The following HPN variants were observed in gnomAD, a reference collection of about 807,000 sequenced individuals.
HPN encodes hepsin, also known as serine protease hepsin.
A neutral mutation model predicts 55.9 loss-of-function variants in HPN; 13 were observed. That is an observed-to-expected ratio of 0.23 (90% CI 0.15 to 0.37). The LOEUF (loss-of-function observed/expected upper bound fraction) is 0.37, where lower values mean the gene tolerates loss of function less well. Among genes scored for constraint, HPN ranks in the 10% least tolerant of loss-of-function variants. HPN has a pLI of 1.00. For missense variants in HPN, 451 were observed against 575.8 expected (o/e 0.78, Z 2.22); for synonymous variants, 225 against 240.3 (o/e 0.94, Z 0.59).
At chr19:35,050,471 A>T in intron 4 of HPN, 1 of 1,284,654 alleles carries the variant, frequency 7.8e-7, no homozygotes, top group Non-Finnish European at 1.0e-6. Context: ...ACCAGAGAGG[A>T]CATGCAGCTG....
At chr19:35,065,840 T>C (rs1688030) in intron 11 of HPN, 28 bp from the exon 12 acceptor site, 1,474,657 of 1,612,326 alleles carry the variant, frequency 0.91, 677,427 homozygotes, top group Admixed American at 0.95. Flanking sequence ...ACTTTGGCCT[T>C]CAGCCAGACC....
intron 9 of HPN, 111 bp from the exon 10 acceptor site, chr19:35,065,139 T>A (rs1037085506): frequency 2.9e-6 from 2 of 685,976 alleles, no homozygotes; most frequent in South Asian, 2.0e-5. Context: ...GTTTTTTTTT[T>A]AAAGAACAGA....
At chr19:35,060,952 A>G in intron 9 of HPN, 135 bp downstream of exon 9, 1 of 766,608 alleles carries the variant, frequency 1.3e-6, no homozygotes, top group Non-Finnish European at 2.0e-6. Flanking sequence ...GAGGGAGCAC[A>G]AAGTGGGCCT....
intron 4 of HPN, 115 bp from the exon 5 acceptor site, chr19:35,059,558 G>C (rs1469944310): frequency 7.5e-7 from 1 of 1,329,926 alleles, no homozygotes; most frequent in Admixed American, 2.0e-5. Flanking sequence ...GATGGGCTGG[G>C]GTTCACGTCT....
intron 4 of HPN, among the ~76,000 whole-genome samples, chr19:35,051,011 G>A (rs1780052519): frequency 6.7e-6 from 1 of 148,776 alleles, no homozygotes; most frequent in Non-Finnish European, 1.5e-5. Context: ...ACATCTCCTG[G>A]GCTCAAGCAA....
chr19:35,065,990 C>T lies in HPN; in HGVS notation c.1173C>T (p.Thr391=), dbSNP rs915741304. The T allele has an allele frequency of 4.3e-6, 7 of 1,612,874 alleles. No individual in the cohort carries two copies. In the African/African-American group the frequency reaches 9.3e-5, roughly 22 times the overall value. ...CALAQKPGVY[T]KVSDFREWIF... ...TGGCCCAGAAGCCAGGCGTCTACAC[C>T]AAAGTCAGTGACTTCCGGGAGTGGA... Residue 391 remains threonine (T), a synonymous_variant, in exon 12 of 13, where the codon ACC becomes ACT. Transcript: ENST00000672452.
At chr19:35,046,859 C>T (rs576214362) in intron 2 of HPN, among the ~76,000 whole-genome samples, 9 of 152,204 alleles carry the variant, frequency 5.9e-5, no homozygotes, top group East Asian at 1.9e-4. Context: ...GACAGAGTCT[C>T]GCTCTGTCGC....
intron 2 of HPN, among the ~76,000 whole-genome samples, 196 bp downstream of exon 2, chr19:35,042,718 C>T (rs758463362): frequency 2.6e-4 from 40 of 152,124 alleles, no homozygotes; most frequent in African/African-American, 9.7e-4. Flanking sequence ...CCACCAGCCT[C>T]CCTTCTACCC....
intron 4 of HPN, among the ~76,000 whole-genome samples, chr19:35,057,148 A>C (rs1156465819): frequency 6.6e-6 from 1 of 152,194 alleles, no homozygotes; most frequent in Non-Finnish European, 1.5e-5. Context: ...GATGGGGGCC[A>C]GGTGCAGTAG....
In HPN at chr19:35,059,801, A is replaced by G; in HGVS notation, c.289A>G (p.Arg97Gly). 1 of 1,569,162 alleles carries G rather than the reference A, an allele frequency of 6.4e-7. No homozygotes were observed. Among genetic ancestry groups the G allele is most frequent in the Non-Finnish European group, 8.6e-7 (1 of 1,156,164 alleles). ...GLSCEEMGFL[R>G]ALTHSELDVR... ...CAGCTGCGAGGAGATGGGCTTCCTC[A>G]GGTACTGGGGGCCCTCGGAGGGGTG... The change falls in exon 5 of 13, where the codon AGG becomes GGG. Residue 97 changes from arginine to glycine, a missense_variant and splice_region_variant. Arg to Gly is a moderately radical substitution (Grantham distance 125). Coordinates refer to ENST00000672452, the MANE Select transcript of HPN (RefSeq NM_001384133.1).
intron 11 of HPN, 74 bp downstream of exon 11, chr19:35,065,755 A>C (rs1672991): frequency 1.0e-5 from 16 of 1,601,284 alleles, no homozygotes; most frequent in Middle Eastern, 3.4e-4. Context: ...GTGGGTGGTC[A>C]GGCTCCCCAT....
At chr19:35,056,309 T>G (rs979192863) in intron 4 of HPN, among the ~76,000 whole-genome samples, 1 of 152,234 alleles carries the variant, frequency 6.6e-6, no homozygotes, top group Non-Finnish European at 1.5e-5. Flanking sequence ...TGTCCCTTTC[T>G]TGATTTGTCT....
chr19:35,059,951 G>A lies in HPN; in HGVS notation c.368G>A (p.Gly123Glu), dbSNP rs762257570. ...GTSGFFCVDE[G>E]RLPHTQRLLE... ...TCGGGCTTCTTCTGTGTGGACGAGG[G>A]GAGGCTGCCCCACACCCAGAGGCTG... The change falls in exon 6 of 13, where the codon GGG becomes GAG. Residue 123 changes from glycine to glutamate, a missense_variant. Gly to Glu is a moderately conservative substitution (Grantham distance 98, BLOSUM62 -2). This residue lies in a region of HPN where 378 missense variants were observed against 445.5 expected (regional missense o/e 0.85). Transcript: ENST00000672452. 1.5e-5 allele frequency: 23 copies of A among 1,546,426 alleles called. No homozygotes were observed. The highest frequency in any genetic ancestry group is 2.0e-5 in the Non-Finnish European group (23 of 1,147,040).
At chr19:35,050,065 GGGAGGCATGATATAAATTCAGT>G (rs2064387728) in intron 4 of HPN, among the ~76,000 whole-genome samples, 1 of 152,030 alleles carries the variant, frequency 6.6e-6, no homozygotes, top group Non-Finnish European at 1.5e-5. Flanking sequence ...AAACATGTTG[GGGAGGCATGATATAAATTCAGT>G]GGACCCTTCT....
intron 2 of HPN, among the ~76,000 whole-genome samples, chr19:35,048,211 T>TC (rs1008039111): frequency 3.3e-5 from 5 of 152,276 alleles, no homozygotes; most frequent in Admixed American, 1.3e-4. Context: ...GCCAGGCACT[T>TC]CCGCACAGTG....
intron 4 of HPN, among the ~76,000 whole-genome samples, chr19:35,052,752 T>C (rs1014630547): frequency 6.6e-6 from 1 of 152,146 alleles, no homozygotes; most frequent in Non-Finnish European, 1.5e-5. Flanking sequence ...CCTGGCGAAC[T>C]CCAGGAAGGC....
chr19:35,042,422 A>G, intron 1 of HPN, 31 bp from the exon 2 acceptor site: 1 of 1,541,134 alleles, frequency 6.5e-7, no homozygotes, highest in Non-Finnish European at 8.8e-7. Context: ...GGGCTCCCCC[A>G]GGCCCTGCCT....
intron 9 of HPN, among the ~76,000 whole-genome samples, chr19:35,063,680 C>G (rs2064563905): frequency 6.6e-6 from 1 of 152,172 alleles, no homozygotes; most frequent in Admixed American, 6.5e-5. Flanking sequence ...ACACCCTTCT[C>G]CTTAGTGAAA....
intron 4 of HPN, among the ~76,000 whole-genome samples, chr19:35,055,271 C>T (rs2064443386): frequency 6.6e-6 from 1 of 152,008 alleles, no homozygotes; most frequent in Admixed American, 6.6e-5. Flanking sequence ...GTGGTATGCC[C>T]CTGTGGTCCT....
Sources: allele counts gnomAD v4.1 joint callset (sites outside exome capture counted in the v4.1 genomes callset), GRCh38; gene constraint gnomAD v4.1.1; regional missense constraint gnomAD v4.1.1; transcripts MANE v1.5; gene names NCBI Gene and HGNC (gene_info 2026-07-23, HGNC 2026-07-21).